The following MAN2A1 variants were observed in gnomAD, a reference collection of about 807,000 sequenced individuals.
MAN2A1 encodes alpha-mannosidase 2.
A neutral mutation model predicts 142.6 loss-of-function variants in MAN2A1; 76 were observed. That is an observed-to-expected ratio of 0.53 (90% CI 0.44 to 0.65). The LOEUF is 0.65. MAN2A1 is among the 30% of genes least tolerant of loss of function. The pLI is 0.00. For synonymous variants in MAN2A1, 559 were observed against 473.2 expected, an observed-to-expected ratio of 1.18 and a Z score of -2.35; for missense variants, 1,311 against 1,365.1, an observed-to-expected ratio of 0.96 and a Z score of 0.62.
At chr5:109,805,374 C>T (rs140825492) in intron 12 of MAN2A1, among the ~76,000 whole-genome samples, 25 of 152,274 alleles carry the variant, frequency 1.6e-4, no homozygotes, top group Admixed American at 7.2e-4. Context: ...TATTCTGCTT[C>T]GGTTACATTT....
At chr5:109,736,627 T>G (rs1198302843) in intron 4 of MAN2A1, among the ~76,000 whole-genome samples, 1 of 152,198 alleles carries the variant, frequency 6.6e-6, no homozygotes, top group East Asian at 1.9e-4. Flanking sequence ...TTGTTTCTGA[T>G]TTTAAGAATT....
At chr5:109,757,619 C>T (rs1420204033) in intron 5 of MAN2A1, among the ~76,000 whole-genome samples, 2 of 152,084 alleles carry the variant, frequency 1.3e-5, no homozygotes, top group South Asian at 2.1e-4. Context: ...TTTGTGCAAC[C>T]ATCACCACAG....
intron 16 of MAN2A1, among the ~76,000 whole-genome samples, chr5:109,835,396 G>A (rs991287746): frequency 2.0e-5 from 3 of 152,156 alleles, no homozygotes; most frequent in African/African-American, 7.2e-5. Flanking sequence ...GGTTCCCTTT[G>A]CCTGAGAGCC....
chr5:109,773,818 T>C (rs912864452), intron 7 of MAN2A1, among the ~76,000 whole-genome samples: 6 of 152,192 alleles, frequency 3.9e-5, no homozygotes, highest in African/African-American at 1.4e-4. Flanking sequence ...TAAGTTTTTA[T>C]ATTGTGAATT....
chr5:109,735,970 C>G (rs1184609369), intron 4 of MAN2A1, among the ~76,000 whole-genome samples: 6 of 137,038 alleles, frequency 4.4e-5, no homozygotes, highest in Admixed American at 4.0e-4. Flanking sequence ...TCTACCAGTA[C>G]TGGGATTAAT....
chr5:109,701,269 T>A (rs1011136854), intron 1 of MAN2A1, among the ~76,000 whole-genome samples: 2 of 152,234 alleles, frequency 1.3e-5, no homozygotes, highest in Admixed American at 6.5e-5. Context: ...AAGCTAAGCT[T>A]TCCCTATGGG....
chr5:109,775,835 T>G (rs1282219334), intron 8 of MAN2A1, among the ~76,000 whole-genome samples: 1 of 152,174 alleles, frequency 6.6e-6, no homozygotes, highest in African/African-American at 2.4e-5. Flanking sequence ...AAACAATTCT[T>G]TTAACACATG....
At chr5:109,757,525 A>G (rs1325388039) in intron 5 of MAN2A1, among the ~76,000 whole-genome samples, 2 of 152,134 alleles carry the variant, frequency 1.3e-5, no homozygotes, top group Non-Finnish European at 2.9e-5. Flanking sequence ...AACTCACATA[A>G]TATTATTTTG....
chr5:109,696,504 G>A (rs1368905203), intron 1 of MAN2A1, among the ~76,000 whole-genome samples: 1 of 152,228 alleles, frequency 6.6e-6, no homozygotes. Flanking sequence ...ACCATTTGCT[G>A]CCTCTATCCA....
chr5:109,807,312 A>G (rs1260310311), intron 12 of MAN2A1, among the ~76,000 whole-genome samples: 2 of 152,166 alleles, frequency 1.3e-5, no homozygotes, highest in East Asian at 3.9e-4. Flanking sequence ...CCTCATTTTC[A>G]ACAGGAATAG....
chr5:109,781,418 AT>A lies in MAN2A1; in HGVS notation c.1404del (p.Phe468LeufsTer22), dbSNP rs766462976. The A allele has an allele frequency of 3.7e-6, 6 of 1,604,208 alleles. No homozygotes were observed. The highest frequency in any genetic ancestry group is 1.7e-5 in the Admixed American group (1 of 57,326). ...KVKIQFGTLS[D>X]FFDALDKADE... Reference sequence around the variant, plus strand: ...TAGATACAGTTTGGAACTTTATCAGATTTTTTTGATGCGCTGGATAAAGCAG... The same window carrying A: ...TAGATACAGTTTGGAACTTTATCAGATTTTTTGATGCGCTGGATAAAGCAG... On this transcript the variant is annotated frameshift_variant, in exon 9 of 22. Coordinates refer to ENST00000261483, the MANE Select transcript of MAN2A1 (RefSeq NM_002372.4). LOFTEE classifies it high-confidence loss of function.
At chr5:109,831,881 ATTTC>A (rs1404666195) in intron 16 of MAN2A1, among the ~76,000 whole-genome samples, 4 of 151,574 alleles carry the variant, frequency 2.6e-5, no homozygotes, top group African/African-American at 9.7e-5. Context: ...TAAGTATTTT[ATTTC>A]TTCTGGATTG....
At chr5:109,799,643 A>G (rs1369645478) in intron 12 of MAN2A1, among the ~76,000 whole-genome samples, 3 of 152,028 alleles carry the variant, frequency 2.0e-5, no homozygotes, top group Middle Eastern at 3.2e-3. Context: ...AATCCCAGCT[A>G]CTTGGGAGGC....
intron 19 of MAN2A1, chr5:109,854,281 C>T (rs550760213): frequency 3.3e-5 from 5 of 152,268 alleles, no homozygotes; most frequent in Middle Eastern, 3.4e-3. Flanking sequence ...AGATTCTACT[C>T]AGTCATTGAT....
intron 1 of MAN2A1, 99 bp from the exon 2 acceptor site, chr5:109,713,421 C>G: frequency 2.9e-5 from 29 of 992,426 alleles, no homozygotes. Flanking sequence ...TGAGTGGCTG[C>G]CCTCGTAGGC....
chr5:109,859,014 C>T (rs189794588), intron 20 of MAN2A1, among the ~76,000 whole-genome samples: 54 of 152,300 alleles, frequency 3.5e-4, no homozygotes, highest in African/African-American at 1.2e-3. Flanking sequence ...ATTTCCAGAT[C>T]TCTGAGATTC....
chr5:109,731,374 ATTATAC>A (rs201199724), intron 4 of MAN2A1, among the ~76,000 whole-genome samples: 65,086 of 150,568 alleles, frequency 0.43, 14,898 homozygotes, highest in African/African-American at 0.6. Flanking sequence ...TATTATTATT[ATTATAC>A]TTTAAGTTTT....
chr5:109,712,341 A>G (rs561970736), intron 1 of MAN2A1, among the ~76,000 whole-genome samples: 1 of 152,216 alleles, frequency 6.6e-6, no homozygotes, highest in South Asian at 2.1e-4. Context: ...CTGCCTTTTC[A>G]CCACTTCTGA....
At chr5:109,748,638 T>C (rs1055891595) in intron 4 of MAN2A1, among the ~76,000 whole-genome samples, 2 of 152,034 alleles carry the variant, frequency 1.3e-5, no homozygotes, top group African/African-American at 4.8e-5. Flanking sequence ...GGGTGGAATG[T>C]GGTGGCCAGT....
Sources: allele counts gnomAD v4.1 joint callset (sites outside exome capture counted in the v4.1 genomes callset), GRCh38; gene constraint gnomAD v4.1.1; transcripts MANE v1.5; gene names NCBI Gene and HGNC (gene_info 2026-07-23, HGNC 2026-07-21).